The following TMPRSS11B variants were observed in gnomAD, a reference collection of about 807,000 sequenced individuals.
The protein encoded by TMPRSS11B is transmembrane protease serine 11B.
In TMPRSS11B, 53 loss-of-function variants were observed where a neutral mutation model predicts 44.7. That is an observed-to-expected ratio of 1.19 (90% CI 0.95 to 1.49). The LOEUF is 1.49. Among genes scored for constraint, TMPRSS11B ranks in the 40% most tolerant of loss-of-function variants. The pLI is 0.00. For missense variants in TMPRSS11B, 526 were observed against 494.8 expected, an observed-to-expected ratio of 1.06 and a Z score of -0.60; for synonymous variants, 140 against 159.2, an observed-to-expected ratio of 0.88 and a Z score of 0.91.
intron 1 of TMPRSS11B, among the ~76,000 whole-genome samples, chr4:68,242,162 G>T (rs1719841909): frequency 1.7e-5 from 2 of 120,514 alleles, no homozygotes; most frequent in South Asian, 2.4e-4. Context: ...CATGCACAGG[G>T]ACATATAAAG....
chr4:68,229,110 A>G (rs1468778027), intron 8 of TMPRSS11B, 147 bp downstream of exon 8: 4 of 971,052 alleles, frequency 4.1e-6, no homozygotes, highest in East Asian at 2.6e-5. Flanking sequence ...ACAATTTGAC[A>G]TCATGCTTTT....
chr4:68,239,936 T>A (rs745353433), intron 2 of TMPRSS11B, among the ~76,000 whole-genome samples: 1 of 152,224 alleles, frequency 6.6e-6, no homozygotes, highest in Non-Finnish European at 1.5e-5. Flanking sequence ...AAATTGGTTA[T>A]ACATGTGTAT....
chr4:68,238,842 T>C (rs916586941), intron 2 of TMPRSS11B, among the ~76,000 whole-genome samples: 33 of 152,184 alleles, frequency 2.2e-4, no homozygotes, highest in African/African-American at 7.7e-4. Context: ...GTGAAGCTTG[T>C]CACCAAATGA....
At chr4:68,241,604 A>G in intron 2 of TMPRSS11B, 85 bp downstream of exon 2, 1 of 813,570 alleles carries the variant, frequency 1.2e-6, no homozygotes, top group Non-Finnish European at 2.0e-6. Context: ...CCAAGAAGAA[A>G]TTTAATGTTC....
At position 68,236,266 on chromosome 4, in the gene TMPRSS11B, T is replaced by G; in HGVS notation, c.125A>C (p.Glu42Ala). ...IGLLVHFLAV[E>A]KTYYYQGDFH... The stretch of plus-strand genomic sequence containing the variant: ...ATCACCTTGATAATAGTAAGTCTTC[T>G]CTGCAAAATTAAGAAAAAAAAACCT... The change falls in exon 3 of 10, where the codon GAG (glutamate) becomes GCG (alanine). Residue 42 changes from glutamate (E) to alanine (A), a missense_variant and splice_region_variant. Coordinates refer to ENST00000332644, the MANE Select transcript of TMPRSS11B (RefSeq NM_182502.3). 1 of 1,564,796 alleles carries G rather than the reference T, an allele frequency of 6.4e-7. No homozygotes were observed. Among genetic ancestry groups the G allele is most frequent in the Non-Finnish European group, 8.7e-7 (1 of 1,151,436 alleles).
At chr4:68,239,300 G>GCT (rs750576069) in intron 2 of TMPRSS11B, among the ~76,000 whole-genome samples, 2 of 151,630 alleles carry the variant, frequency 1.3e-5, no homozygotes, top group Non-Finnish European at 2.9e-5. Context: ...TATCTCTCTC[G>GCT]CTCTCTCTCT....
intron 2 of TMPRSS11B, among the ~76,000 whole-genome samples, chr4:68,238,558 A>G (rs1253352210): frequency 3.7e-5 from 3 of 81,500 alleles, no homozygotes; most frequent in African/African-American, 9.5e-5. Context: ...CCCCATCTCT[A>G]CTAAAAAAAA....
chr4:68,235,958 C>A, intron 4 of TMPRSS11B, 44 bp downstream of exon 4: 2 of 1,195,544 alleles, frequency 1.7e-6, no homozygotes, highest in Non-Finnish European at 2.3e-6. Context: ...TATGATATAT[C>A]ACCTACTTTC....
chr4:68,243,610 A>T (rs1430678283), intron 1 of TMPRSS11B, among the ~76,000 whole-genome samples: 5 of 152,188 alleles, frequency 3.3e-5, no homozygotes, highest in Non-Finnish European at 7.4e-5. Flanking sequence ...CTACTCAGGC[A>T]TAGCATTTTT....
At chr4:68,243,365 C>T (rs1719909631) in intron 1 of TMPRSS11B, among the ~76,000 whole-genome samples, 1 of 152,034 alleles carries the variant, frequency 6.6e-6, no homozygotes, top group African/African-American at 2.4e-5. Flanking sequence ...TTAGCATTAC[C>T]TGATACAACT....
chr4:68,236,930 T>C (rs1018401038), intron 2 of TMPRSS11B, among the ~76,000 whole-genome samples: 9 of 149,468 alleles, frequency 6.0e-5, no homozygotes, highest in Admixed American at 2.0e-4. Flanking sequence ...TTATTATTAT[T>C]ATTATTATTA....
At chr4:68,242,346 T>TATATTATATTATATATA (rs1719878138) in intron 1 of TMPRSS11B, among the ~76,000 whole-genome samples, 2 of 78,604 alleles carry the variant, frequency 2.5e-5, no homozygotes, top group African/African-American at 1.2e-4. Flanking sequence ...ATATATATAT[T>TATATTATATTATATATA]ATATATAATA....
At chr4:68,228,147 G>T in intron 9 of TMPRSS11B, 75 bp from the exon 10 acceptor site, 1 of 1,337,698 alleles carries the variant, frequency 7.5e-7, no homozygotes, top group East Asian at 2.5e-5. Flanking sequence ...GGAGTTATCT[G>T]TACCTCCTGG....
intron 1 of TMPRSS11B, among the ~76,000 whole-genome samples, chr4:68,242,943 C>A (rs993515122): frequency 7.9e-5 from 12 of 152,260 alleles, no homozygotes; most frequent in Middle Eastern, 3.4e-3. Flanking sequence ...GTTGTTTTAT[C>A]ATCAAAGCCA....
intron 1 of TMPRSS11B, among the ~76,000 whole-genome samples, chr4:68,242,365 T>TGTA (rs1719882077): frequency 1.2e-4 from 7 of 56,974 alleles, no homozygotes; most frequent in African/African-American, 4.5e-4. Context: ...TATTATATTA[T>TGTA]ATATAATATT....
intron 6 of TMPRSS11B, chr4:68,232,155 A>T: frequency 3.2e-6 from 1 of 312,430 alleles, no homozygotes; most frequent in Non-Finnish European, 5.9e-6. Flanking sequence ...ATTATTTGGA[A>T]TCAATTTTCA....
chr4:68,238,712 G>A (rs983001320), intron 2 of TMPRSS11B, among the ~76,000 whole-genome samples: 1 of 152,060 alleles, frequency 6.6e-6, no homozygotes, highest in Non-Finnish European at 1.5e-5. Context: ...GGGAGATAGA[G>A]TGAGACTCCA....
chr4:68,236,371 C>A, intron 2 of TMPRSS11B, 105 bp from the exon 3 acceptor site: 1 of 687,980 alleles, frequency 1.5e-6, no homozygotes, highest in Non-Finnish European at 2.5e-6. Flanking sequence ...TAGAAATAAT[C>A]CATTTATACC....
intron 2 of TMPRSS11B, among the ~76,000 whole-genome samples, chr4:68,238,032 A>G (rs1191806402): frequency 6.6e-6 from 1 of 152,084 alleles, no homozygotes. Flanking sequence ...AAAATAAAAT[A>G]AAAAGAACTA....
Sources: allele counts gnomAD v4.1 joint callset (sites outside exome capture counted in the v4.1 genomes callset), GRCh38; gene constraint gnomAD v4.1.1; transcripts MANE v1.5; gene names NCBI Gene and HGNC (gene_info 2026-07-23, HGNC 2026-07-21).